Variants in DIAPH1 observed in about 807,000 individuals in gnomAD.
DIAPH1 encodes protein diaphanous homolog 1.
Under a neutral mutation model 140.7 loss-of-function variants are expected in DIAPH1, and 46 were observed. That is an observed-to-expected ratio of 0.33 (90% CI 0.26 to 0.42). DIAPH1 has a LOEUF of 0.42. Among genes scored for constraint, DIAPH1 ranks in the 10% least tolerant of loss-of-function variants. DIAPH1 has a pLI of 1.00. For missense variants in DIAPH1, 1,310 were observed against 1,558.7 expected, an observed-to-expected ratio of 0.84 and a Z score of 2.69; for synonymous variants, 565 against 551.6, an observed-to-expected ratio of 1.02 and a Z score of -0.34.
intron 26 of DIAPH1, among the ~76,000 whole-genome samples, chr5:141,525,079 C>T (rs751284011): frequency 1.3e-5 from 2 of 152,164 alleles, no homozygotes; most frequent in Non-Finnish European, 2.9e-5. Context: ...GGGGACAAAC[C>T]CTGGAGTCCC....
intron 18 of DIAPH1, among the ~76,000 whole-genome samples, chr5:141,547,007 G>A (rs115001798): frequency 3.8e-3 from 575 of 152,300 alleles, no homozygotes; most frequent in African/African-American, 0.013. Context: ...AGGATCATTT[G>A]CCCAAAGTTC....
In DIAPH1 at chr5:141,582,380, A is replaced by G. The variant is rs776043929; in HGVS notation, c.621-5T>C. Reference sequence around the variant, plus strand: ...TTGTTCCGGCTATCGTAACTCCTGTATATAGAAGACATAATCAGTGAGGTC... The same window carrying G: ...TTGTTCCGGCTATCGTAACTCCTGTGTATAGAAGACATAATCAGTGAGGTC... On this transcript the variant is annotated splice_region_variant and splice_polypyrimidine_tract_variant and intron_variant, in intron 6 of 27. Transcript: ENST00000389054. The G allele has an allele frequency of 1.2e-6, 2 of 1,608,004 alleles. No homozygotes were observed. Among genetic ancestry groups the G allele is most frequent in the Admixed American group, 3.3e-5 (2 of 60,016 alleles).
At chr5:141,556,922 C>G (rs1180007281) in intron 18 of DIAPH1, among the ~76,000 whole-genome samples, 1 of 152,140 alleles carries the variant, frequency 6.6e-6, no homozygotes, top group Non-Finnish European at 1.5e-5. Context: ...CTCAAACTCC[C>G]AACCTCACGT....
At chr5:141,529,725 GTTC>G (rs748402539) in intron 19 of DIAPH1, 28 bp from the exon 20 acceptor site, 2 of 1,582,982 alleles carry the variant, frequency 1.3e-6, no homozygotes, top group Admixed American at 3.3e-5. Flanking sequence ...ATTAAGACAT[GTTC>G]TTCTCGGTCT....
chr5:141,571,750 C>T (rs1275914182), intron 17 of DIAPH1, 176 bp downstream of exon 17: 2 of 712,026 alleles, frequency 2.8e-6, no homozygotes, highest in African/African-American at 1.7e-5. Context: ...CCAAGTAACT[C>T]CATAATATTT....
At chr5:141,588,138 C>T (rs1014862598) in intron 2 of DIAPH1, 86 bp downstream of exon 2, 5 of 1,132,538 alleles carry the variant, frequency 4.4e-6, no homozygotes, top group Non-Finnish European at 6.7e-6. Context: ...CTATAAGTTA[C>T]AGAAAGTCAA....
chr5:141,524,348 A>G, intron 26 of DIAPH1, 119 bp from the exon 27 acceptor site: 1 of 915,056 alleles, frequency 1.1e-6, no homozygotes, highest in South Asian at 1.4e-5. Flanking sequence ...AGCAGCTGGC[A>G]GCTAAGAAGA....
rs1210016425 is a variant in DIAPH1, at chr5:141,583,253, T to C, written c.573A>G (p.Leu191=). The change falls in exon 6 of 28, where the codon TTA becomes TTG. Residue 191 remains leucine (L), a synonymous_variant. Coordinates refer to ENST00000389054, the MANE Select transcript of DIAPH1 (RefSeq NM_005219.5). Reference sequence around the variant, plus strand: ...CATGAAGTCGTTTAAGAATGTCCAATAAGGAGGCCAAGCCTTCAGCACCAA... The same window carrying C: ...CATGAAGTCGTTTAAGAATGTCCAACAAGGAGGCCAAGCCTTCAGCACCAA... ...QTFGAEGLAS[L]LDILKRLHDE... 1 of 1,614,056 alleles carries C rather than the reference T, an allele frequency of 6.2e-7. No homozygotes were observed. Among genetic ancestry groups the C allele is most frequent in the Non-Finnish European group, 8.5e-7 (1 of 1,180,030 alleles).
chr5:141,517,722 G>A (rs1270062734), intron 27 of DIAPH1, among the ~76,000 whole-genome samples: 1 of 152,112 alleles, frequency 6.6e-6, no homozygotes, highest in Non-Finnish European at 1.5e-5. Flanking sequence ...AGCAGAACTG[G>A]GATAAAGATG....
At chr5:141,580,263 G>A (rs1009860455) in intron 8 of DIAPH1, among the ~76,000 whole-genome samples, 15 of 152,176 alleles carry the variant, frequency 9.9e-5, no homozygotes, top group Admixed American at 9.2e-4. Flanking sequence ...GGTGGCAGAT[G>A]TCTAGAATCA....
chr5:141,586,203 G>A (rs1309731057), intron 3 of DIAPH1, among the ~76,000 whole-genome samples: 1 of 152,178 alleles, frequency 6.6e-6, no homozygotes, highest in Non-Finnish European at 1.5e-5. Flanking sequence ...AAGGCCAAGA[G>A]ATTATCTTGA....
chr5:141,526,723 G>T (rs1415028425), intron 24 of DIAPH1, among the ~76,000 whole-genome samples: 7 of 151,884 alleles, frequency 4.6e-5, no homozygotes, highest in Admixed American at 4.6e-4. Flanking sequence ...TTTGAGACAG[G>T]GTTTTGTTCT....
chr5:141,518,676 C>A, intron 27 of DIAPH1: 2 of 480,282 alleles, frequency 4.2e-6, no homozygotes, highest in South Asian at 5.0e-5. Flanking sequence ...GCATGTGCCA[C>A]CATATCTGGC....
At chr5:141,559,888 G>A (rs772466978) in intron 18 of DIAPH1, among the ~76,000 whole-genome samples, 18 of 152,132 alleles carry the variant, frequency 1.2e-4, no homozygotes, top group Non-Finnish European at 1.9e-4. Flanking sequence ...TTTTATTATG[G>A]GAAAAATTAA....
chr5:141,576,712 G>A (rs1205502073), intron 13 of DIAPH1, 44 bp downstream of exon 13: 2 of 1,262,430 alleles, frequency 1.6e-6, no homozygotes, highest in Non-Finnish European at 2.3e-6. Context: ...AAAATGAAAG[G>A]AAGAAGCAAT....
intron 27 of DIAPH1, chr5:141,518,725 GTTGTCTAGGCTGGTC>G: frequency 1.7e-6 from 1 of 582,960 alleles, no homozygotes; most frequent in South Asian, 2.1e-5. Context: ...GTCTCTCCAT[GTTGTCTAGGCTGGTC>G]TTGAACTCCT....
At chr5:141,605,482 C>T (rs1467648725) in intron 1 of DIAPH1, among the ~76,000 whole-genome samples, 1 of 152,138 alleles carries the variant, frequency 6.6e-6, no homozygotes, top group East Asian at 1.9e-4. Context: ...CATCATCATC[C>T]AATTACCATA....
intron 13 of DIAPH1, 108 bp downstream of exon 13, chr5:141,576,648 C>A: frequency 1.2e-6 from 1 of 815,604 alleles, no homozygotes; most frequent in Non-Finnish European, 2.1e-6. Context: ...AAAAATAGAA[C>A]TATCTGGGGA....
intron 18 of DIAPH1, among the ~76,000 whole-genome samples, chr5:141,551,966 A>T (rs941302307): frequency 6.6e-6 from 1 of 152,246 alleles, no homozygotes; most frequent in East Asian, 1.9e-4. Context: ...GAATGCAATT[A>T]GCCGGAAATT....
Sources: allele counts gnomAD v4.1 joint callset (sites outside exome capture counted in the v4.1 genomes callset), GRCh38; gene constraint gnomAD v4.1.1; transcripts MANE v1.5; gene names NCBI Gene and HGNC (gene_info 2026-07-23, HGNC 2026-07-21).